Variants in FHIT observed in about 807,000 individuals in gnomAD.
FHIT encodes the protein fragile histidine triad diadenosine triphosphatase.
A neutral mutation model predicts 17.9 loss-of-function variants in FHIT; 19 were observed. The observed-to-expected ratio is 1.06, with a 90% CI of 0.74 to 1.56. The LOEUF (loss-of-function observed/expected upper bound fraction) is 1.56, where lower values mean the gene tolerates loss of function less well. Among genes scored for constraint, FHIT ranks in the 40% most tolerant of loss-of-function variants. The pLI is 0.00. For missense variants in FHIT, 248 were observed against 189.2 expected (o/e 1.31, Z -1.82); for synonymous variants, 81 against 69.7 (o/e 1.16, Z -0.81).
chr3:60,739,054 C>T lies in FHIT; in HGVS notation c.-18+82865G>A, dbSNP rs541091350. Among the ~76,000 whole-genome samples, 30 of 152,270 alleles carry T rather than the reference C, an allele frequency of 2.0e-4. No homozygotes were observed. In the East Asian group the frequency reaches 5.0e-3, roughly 25 times the overall value. Reference sequence around the variant, plus strand: ...CGAGAGGAACTCAGCTGGGGGCAGTCGGAGAAGAGTTTGGCCGCTGAACAG... The same window carrying T: ...CGAGAGGAACTCAGCTGGGGGCAGTTGGAGAAGAGTTTGGCCGCTGAACAG... On this transcript the variant is annotated intron_variant, in intron 4 of 9. Coordinates refer to ENST00000492590, the MANE Select transcript of FHIT (RefSeq NM_002012.4).
intron 7 of FHIT, among the ~76,000 whole-genome samples, chr3:59,989,661 TAC>T (rs1049151433): frequency 6.6e-6 from 1 of 152,070 alleles, no homozygotes; most frequent in African/African-American, 2.4e-5. Flanking sequence ...ATGTCCCTTC[TAC>T]AAGAAGAACA....
chr3:61,134,158 G>GA (rs1433769283), intron 2 of FHIT, among the ~76,000 whole-genome samples: 2 of 146,140 alleles, frequency 1.4e-5, no homozygotes, highest in Non-Finnish European at 3.0e-5. Flanking sequence ...TAGAGCTCAA[G>GA]AAAGAGAAAG....
chr3:60,122,586 G>C (rs116774417), intron 5 of FHIT, among the ~76,000 whole-genome samples: 6 of 152,128 alleles, frequency 3.9e-5, no homozygotes, highest in Non-Finnish European at 5.9e-5. Flanking sequence ...ATGGGAAAAA[G>C]CAGCCCCTCC....
intron 5 of FHIT, among the ~76,000 whole-genome samples, chr3:60,278,808 A>G (rs1322730469): frequency 6.6e-6 from 1 of 152,210 alleles, no homozygotes; most frequent in African/African-American, 2.4e-5. Flanking sequence ...GAAATTTCTT[A>G]AAGATAAACT....
chr3:60,552,334 G>A (rs573956547), intron 4 of FHIT, among the ~76,000 whole-genome samples: 1 of 152,248 alleles, frequency 6.6e-6, no homozygotes, highest in Non-Finnish European at 1.5e-5. Flanking sequence ...ATTATTGAAC[G>A]TACACCTAAG....
chr3:61,186,081 T>C (rs1331616423), intron 2 of FHIT, among the ~76,000 whole-genome samples: 1 of 152,198 alleles, frequency 6.6e-6, no homozygotes, highest in African/African-American at 2.4e-5. Flanking sequence ...AATTTTGTTA[T>C]TATCACCATC....
intron 3 of FHIT, among the ~76,000 whole-genome samples, chr3:61,039,827 A>G (rs1431380018): frequency 2.6e-5 from 4 of 152,166 alleles, no homozygotes; most frequent in Non-Finnish European, 1.5e-5. Flanking sequence ...TTCTGCACAC[A>G]TATCCTGGAA....
chr3:60,394,321 C>T (rs1701349861), intron 5 of FHIT, among the ~76,000 whole-genome samples: 1 of 152,172 alleles, frequency 6.6e-6, no homozygotes, highest in East Asian at 1.9e-4. Flanking sequence ...TATGCAATTT[C>T]AGGTAAGCTA....
At chr3:59,931,802 A>G (rs1234087435) in intron 7 of FHIT, among the ~76,000 whole-genome samples, 1 of 152,184 alleles carries the variant, frequency 6.6e-6, no homozygotes, top group East Asian at 1.9e-4. Context: ...TGTGAGTTAT[A>G]ATAATATATC....
At chr3:60,196,835 A>AAAAATC (rs386396787) in intron 5 of FHIT, among the ~76,000 whole-genome samples, 1 of 152,022 alleles carries the variant, frequency 6.6e-6, no homozygotes, top group African/African-American at 2.4e-5. Flanking sequence ...TTGTAAAAAA[A>AAAAATC]AAAATCAAGC....
chr3:60,713,018 T>G (rs1183740469), intron 4 of FHIT, among the ~76,000 whole-genome samples: 1 of 151,822 alleles, frequency 6.6e-6, no homozygotes, highest in Admixed American at 6.6e-5. Flanking sequence ...ATTGACCACA[T>G]AGTTGGAAGT....
chr3:60,351,954 T>C (rs1291558985), intron 5 of FHIT, among the ~76,000 whole-genome samples: 1 of 152,220 alleles, frequency 6.6e-6, no homozygotes, highest in Non-Finnish European at 1.5e-5. Context: ...TTCCTCCTTA[T>C]AGCTTGCTAA....
At chr3:60,172,064 G>C (rs1458959788) in intron 5 of FHIT, among the ~76,000 whole-genome samples, 1 of 152,134 alleles carries the variant, frequency 6.6e-6, no homozygotes. Flanking sequence ...AGAATATCCA[G>C]ATTAGTAGGG....
chr3:61,213,394 C>A (rs2039555766), intron 1 of FHIT, among the ~76,000 whole-genome samples: 1 of 152,064 alleles, frequency 6.6e-6, no homozygotes, highest in Non-Finnish European at 1.5e-5. Context: ...CAACAAAGAT[C>A]AAAAGAGAGA....
chr3:60,280,632 C>T (rs80080640), intron 5 of FHIT, among the ~76,000 whole-genome samples: 78 of 152,270 alleles, frequency 5.1e-4, no homozygotes, highest in African/African-American at 1.9e-3. Context: ...ATGGATTTCC[C>T]TCCACAGCTT....
At chr3:60,058,169 C>G (rs1346949623) in intron 5 of FHIT, among the ~76,000 whole-genome samples, 2 of 115,506 alleles carry the variant, frequency 1.7e-5, no homozygotes, top group Admixed American at 2.5e-4. Context: ...GAGACAGAGT[C>G]TCGCTCTGTC....
chr3:60,462,985 G>A (rs2032569887), intron 5 of FHIT, among the ~76,000 whole-genome samples: 1 of 152,214 alleles, frequency 6.6e-6, no homozygotes, highest in African/African-American at 2.4e-5. Context: ...GTGCCACACT[G>A]AGGGAGCAGC....
intron 3 of FHIT, among the ~76,000 whole-genome samples, chr3:60,934,080 G>A (rs564442738): frequency 6.6e-6 from 1 of 152,270 alleles, no homozygotes; most frequent in East Asian, 1.9e-4. Flanking sequence ...AACACTGATT[G>A]CAGCTGCAGC....
chr3:61,065,955 T>A (rs905945857), intron 2 of FHIT, among the ~76,000 whole-genome samples: 3 of 152,164 alleles, frequency 2.0e-5, no homozygotes, highest in Non-Finnish European at 4.4e-5. Context: ...GACCTGAGAC[T>A]AGGTAATTTA....
Sources: allele counts gnomAD v4.1 joint callset (sites outside exome capture counted in the v4.1 genomes callset), GRCh38; gene constraint gnomAD v4.1.1; transcripts MANE v1.5; gene names NCBI Gene and HGNC (gene_info 2026-07-23, HGNC 2026-07-21).